The following SLC6A4 variants were observed in gnomAD, a reference collection of about 807,000 sequenced individuals.
The protein encoded by SLC6A4 is sodium-dependent serotonin transporter.
Under a neutral mutation model 73.4 loss-of-function variants are expected in SLC6A4, and 22 were observed. That is an observed-to-expected ratio of 0.30 (90% CI 0.21 to 0.43). SLC6A4 has a LOEUF of 0.43. Ranked by LOEUF, SLC6A4 falls within the 20% of genes least tolerant of loss-of-function variation. The pLI, the probability that SLC6A4 is intolerant of heterozygous loss-of-function variation, is 1.00. For missense variants in SLC6A4, 593 were observed against 808.5 expected (o/e 0.73, Z 3.23); for synonymous variants, 270 against 315.5 (o/e 0.86, Z 1.53).
Position 30,221,981 on chromosome 17 carries a change from T to C in SLC6A4, c.-23A>G, listed in dbSNP as rs369103275. 6.2e-7 allele frequency: 1 copy of C among 1,613,804 alleles called. No homozygotes were observed. The highest frequency in any genetic ancestry group is 1.3e-5 in the African/African-American group (1 of 74,926). On this transcript the variant is annotated 5_prime_UTR_variant, in exon 3 of 15. Transcript: ENST00000650711. ...CATCCTGCTGGTTAGTAAATGACAC[T>C]GATGTCCATCTGCCAAGGATCCCAA...
At chr17:30,227,521 T>C (rs984220950) in intron 1 of SLC6A4, among the ~76,000 whole-genome samples, 3 of 152,096 alleles carry the variant, frequency 2.0e-5, no homozygotes, top group African/African-American at 2.4e-5. Flanking sequence ...AGTCTTGCAC[T>C]GTCATCCAGG....
In SLC6A4 at chr17:30,231,681, G is replaced by T. The variant is rs1049792671; in HGVS notation, c.-221+3932C>A. 2.6e-5 allele frequency among the ~76,000 whole-genome samples: 4 copies of T among 152,240 alleles called. 1 individual carries two copies. In the South Asian group the frequency reaches 8.3e-4, roughly 32 times the overall value. ...AATGGACCATATCTCTGATTTTTCAGTTGAAAATTTTCAAAAGAAAAAATA... is the reference window on the plus strand; with the variant it reads ...AATGGACCATATCTCTGATTTTTCATTTGAAAATTTTCAAAAGAAAAAATA... On this transcript the variant is annotated intron_variant, in intron 1 of 14. Coordinates refer to ENST00000650711, the MANE Select transcript of SLC6A4 (RefSeq NM_001045.6).
intron 8 of SLC6A4, among the ~76,000 whole-genome samples, chr17:30,214,179 T>G (rs1264409362): frequency 3.9e-5 from 6 of 152,016 alleles, no homozygotes; most frequent in Admixed American, 3.9e-4. Context: ...TCCCAGCACT[T>G]TGGGAGGCTG....
At chr17:30,230,704 T>G (rs1264808705) in intron 1 of SLC6A4, among the ~76,000 whole-genome samples, 1 of 151,942 alleles carries the variant, frequency 6.6e-6, no homozygotes, top group African/African-American at 2.4e-5. Context: ...ACTGGCCCAT[T>G]TCTCTGGGTG....
rs1480151829 is a variant in SLC6A4, at chr17:30,210,582, C to T, written c.1382G>A (p.Arg461His). ...CACGGCGAGCACGAACCGCTCCCGGCGCTTGGCCCAGACGTGTGGGAACTC... is the reference window on the plus strand; with the variant it reads ...CACGGCGAGCACGAACCGCTCCCGGTGCTTGGCCCAGACGTGTGGGAACTC... ...LDEFPHVWAKRRERFVLAVVI... is the reference protein window; with the variant it reads ...LDEFPHVWAKHRERFVLAVVI... Residue 461 changes from arginine to histidine, a missense_variant, in exon 11 of 15, where the codon CGC (arginine) becomes CAC (histidine). Transcript: ENST00000650711. The T allele has an allele frequency of 2.0e-5, 33 of 1,613,734 alleles. No individual in the cohort carries two copies. The highest frequency in any genetic ancestry group is 1.6e-4 in the Middle Eastern group (1 of 6,080).
chr17:30,220,645 A>C (rs949671569), intron 3 of SLC6A4, among the ~76,000 whole-genome samples: 35 of 152,316 alleles, frequency 2.3e-4, no homozygotes, highest in African/African-American at 7.7e-4. Context: ...CTGACCTCAC[A>C]CAGGTCCAAA....
intron 9 of SLC6A4, among the ~76,000 whole-genome samples, chr17:30,212,118 C>T (rs1210122511): frequency 1.3e-5 from 2 of 152,016 alleles, no homozygotes; most frequent in Admixed American, 6.6e-5. Context: ...AAAAACTTCA[C>T]GGTAAAATAG....
intron 1 of SLC6A4, among the ~76,000 whole-genome samples, chr17:30,234,027 G>C (rs1907195105): frequency 6.6e-6 from 1 of 151,984 alleles, no homozygotes; most frequent in Non-Finnish European, 1.5e-5. Context: ...CTCCAGCCAA[G>C]CATCCCCATT....
At chr17:30,201,211 A>G (rs1356803628) in intron 14 of SLC6A4, among the ~76,000 whole-genome samples, 1 of 152,188 alleles carries the variant, frequency 6.6e-6, no homozygotes, top group Non-Finnish European at 1.5e-5. Flanking sequence ...ACATGGTCAA[A>G]TGAGCACATT....
intron 1 of SLC6A4, among the ~76,000 whole-genome samples, chr17:30,223,133 T>C (rs1165416363): frequency 6.6e-6 from 1 of 152,222 alleles, no homozygotes; most frequent in African/African-American, 2.4e-5. Context: ...TGGCCTGTTA[T>C]AAAGTTGTAA....
At chr17:30,215,302 C>A (rs1906534058) in intron 8 of SLC6A4, among the ~76,000 whole-genome samples, 2 of 152,234 alleles carry the variant, frequency 1.3e-5, no homozygotes, top group Non-Finnish European at 2.9e-5. Context: ...CTTGGCCTCC[C>A]AAAGTGCTGG....
chr17:30,212,721 A>G lies in SLC6A4; in HGVS notation c.1204+19T>C, dbSNP rs1357271932. On this transcript the variant is annotated intron_variant, in intron 9 of 14. Coordinates refer to ENST00000650711, the MANE Select transcript of SLC6A4 (RefSeq NM_001045.6). ...AACTCAGTAGGAGCAAGGGACCTGC[A>G]TAGAACCCGAGGTCCTACCTGCGTC... 6.2e-7 allele frequency: 1 copy of G among 1,613,060 alleles called. No individual in the cohort carries two copies. The highest frequency in any genetic ancestry group is 2.2e-5 in the East Asian group (1 of 44,896).
intron 1 of SLC6A4, among the ~76,000 whole-genome samples, chr17:30,230,741 A>T (rs2143016577): frequency 6.6e-6 from 1 of 152,202 alleles, no homozygotes; most frequent in South Asian, 2.1e-4. Context: ...AGGAGAGGTG[A>T]GGTCAGGTGA....
chr17:30,218,191 A>C lies in SLC6A4; in HGVS notation c.625T>G (p.Cys209Gly). ...TTGTCCTCGGAGAAGTAATTGGTGC[A>C]GTTGCCAGTGTTCCAGGAGTTCTTG... The part of the protein sequence containing the change: ...SCKNSWNTGN[C>G]TNYFSEDNIT... Residue 209 changes from cysteine (C) to glycine (G), a missense_variant, in exon 5 of 15, where the codon TGC becomes GGC. Transcript: ENST00000650711. The C allele has an allele frequency of 1.2e-6, 2 of 1,614,250 alleles. No individual in the cohort carries two copies. Among genetic ancestry groups the C allele is most frequent in the Non-Finnish European group, 1.7e-6 (2 of 1,180,042 alleles).
chr17:30,232,604 TG>T (rs1907146389), intron 1 of SLC6A4, among the ~76,000 whole-genome samples: 1 of 152,208 alleles, frequency 6.6e-6, no homozygotes, highest in Admixed American at 6.5e-5. Context: ...GGATGGAAGC[TG>T]GGGAGCTGCT....
chr17:30,222,634 C>T (rs767511208), intron 2 of SLC6A4, among the ~76,000 whole-genome samples, 185 bp downstream of exon 2: 1 of 152,190 alleles, frequency 6.6e-6, no homozygotes, highest in East Asian at 1.9e-4. Context: ...GGTAAAAAGG[C>T]CACCCTTCGT....
intron 1 of SLC6A4, among the ~76,000 whole-genome samples, chr17:30,226,874 A>C (rs2143016111): frequency 1.6e-5 from 2 of 121,784 alleles, no homozygotes; most frequent in East Asian, 3.9e-4. Flanking sequence ...CTCTGTCTCA[A>C]AAAAAAAAGA....
chr17:30,218,371 G>C (rs374826948), intron 4 of SLC6A4, 34 bp from the exon 5 acceptor site: 2 of 1,551,738 alleles, frequency 1.3e-6, no homozygotes, highest in Non-Finnish European at 1.8e-6. Context: ...GACAGAGGCC[G>C]AGTTTAAGGG....
intron 14 of SLC6A4, among the ~76,000 whole-genome samples, chr17:30,200,036 C>G (rs1280071628): frequency 6.6e-6 from 1 of 152,086 alleles, no homozygotes; most frequent in Non-Finnish European, 1.5e-5. Context: ...GTAGCTGGAC[C>G]TACAGGTGCA....
Sources: gnomAD v4.1 joint callset for allele counts (sites outside exome capture counted in the v4.1 genomes callset) on GRCh38, gnomAD v4.1.1 for gene constraint, MANE v1.5 for transcripts, NCBI Gene and HGNC (gene_info 2026-07-23, HGNC 2026-07-21) for gene names.